The following CCDC60 variants were observed in gnomAD, a reference collection of about 807,000 sequenced individuals.
CCDC60 encodes the protein coiled-coil domain-containing protein 60.
Under a neutral mutation model 63.5 loss-of-function variants are expected in CCDC60, and 54 were observed. That is an observed-to-expected ratio of 0.85 (90% confidence interval 0.68 to 1.07). The LOEUF is 1.07. Ranked by LOEUF, CCDC60 falls within the 50% of genes least tolerant of loss-of-function variation. The probability of loss-of-function intolerance (pLI) is 0.00; values close to 1 mark genes in which losing one functional copy is unlikely to be tolerated. For missense variants in CCDC60, 651 were observed against 684.3 expected, an observed-to-expected ratio of 0.95 and a Z score of 0.54; for synonymous variants, 206 against 238.8, an observed-to-expected ratio of 0.86 and a Z score of 1.27.
intron 2 of CCDC60, among the ~76,000 whole-genome samples, chr12:119,469,642 C>T (rs893744722): frequency 2.0e-5 from 3 of 152,252 alleles, no homozygotes; most frequent in Middle Eastern, 3.4e-3. Context: ...TATTGCCCAG[C>T]GGGGGCAATT....
intron 1 of CCDC60, among the ~76,000 whole-genome samples, chr12:119,407,218 T>G (rs1956509559): frequency 6.6e-6 from 1 of 151,954 alleles, no homozygotes; most frequent in Non-Finnish European, 1.5e-5. Context: ...TATAAGATGA[T>G]GTATCTGGCC....
chr12:119,520,060 G>C (rs561585954), intron 8 of CCDC60, 61 bp from the exon 9 acceptor site: 1 of 1,435,916 alleles, frequency 7.0e-7, no homozygotes, highest in East Asian at 2.3e-5. Flanking sequence ...CCCACATGTA[G>C]TTACTGCACA....
chr12:119,460,036 A>ATGCTGC (rs2136302088), intron 2 of CCDC60, among the ~76,000 whole-genome samples: 1 of 152,318 alleles, frequency 6.6e-6, no homozygotes, highest in East Asian at 1.9e-4. Context: ...CGTGATGCTG[A>ATGCTGC]TGCTGCTGGA....
At chr12:119,533,530 T>C (rs1214380437) in intron 13 of CCDC60, among the ~76,000 whole-genome samples, 3 of 152,250 alleles carry the variant, frequency 2.0e-5, no homozygotes, top group African/African-American at 7.2e-5. Context: ...TAGGTTTTCT[T>C]CTAGGGTTTT....
At chr12:119,409,865 T>C (rs1956561453) in intron 1 of CCDC60, among the ~76,000 whole-genome samples, 2 of 151,884 alleles carry the variant, frequency 1.3e-5, no homozygotes, top group South Asian at 4.2e-4. Flanking sequence ...TTCTCACTCT[T>C]TCTCTCTCTC....
intron 1 of CCDC60, among the ~76,000 whole-genome samples, chr12:119,336,895 G>T (rs532802332): frequency 1.3e-4 from 20 of 152,300 alleles, no homozygotes; most frequent in Non-Finnish European, 2.6e-4. Flanking sequence ...GAGCACAACT[G>T]TAAGTGTGCA....
chr12:119,393,121 A>C (rs1388931441), intron 1 of CCDC60, among the ~76,000 whole-genome samples: 1 of 152,310 alleles, frequency 6.6e-6, no homozygotes, highest in East Asian at 1.9e-4. Flanking sequence ...TTGTAATTGC[A>C]CCACTGCACT....
intron 1 of CCDC60, among the ~76,000 whole-genome samples, chr12:119,411,372 G>A (rs926567820): frequency 2.6e-5 from 4 of 152,030 alleles, no homozygotes; most frequent in Non-Finnish European, 5.9e-5. Flanking sequence ...TTGGGAGAGC[G>A]AAATTCTAGT....
chr12:119,418,928 A>G (rs1278703117), intron 1 of CCDC60, among the ~76,000 whole-genome samples: 1 of 152,234 alleles, frequency 6.6e-6, no homozygotes, highest in Non-Finnish European at 1.5e-5. Context: ...TCTCCAAGAA[A>G]GAACTTGCCA....
intron 1 of CCDC60, among the ~76,000 whole-genome samples, chr12:119,401,529 G>A (rs938799412): frequency 2.0e-5 from 3 of 152,194 alleles, no homozygotes; most frequent in Admixed American, 6.5e-5. Flanking sequence ...CTCTTTCTAC[G>A]TTCAAGACAA....
Position 119,396,069 on chromosome 12 carries a change from C to T in CCDC60, c.91-32614C>T, listed in dbSNP as rs1166529727. On this transcript the variant is annotated intron_variant, in intron 1 of 13. Transcript: ENST00000327554. Reference sequence around the variant, plus strand: ...TCCTCTCCCTCAGCCTCCCAAGTAGCTGGGATTACAGGCGCCCACCACCTC... The same window carrying T: ...TCCTCTCCCTCAGCCTCCCAAGTAGTTGGGATTACAGGCGCCCACCACCTC... Among the ~76,000 whole-genome samples the T allele has an allele frequency of 2.6e-5, 4 of 152,164 alleles. No homozygotes were observed. In the Middle Eastern group the frequency reaches 0.01, roughly 388 times the overall value.
intron 2 of CCDC60, among the ~76,000 whole-genome samples, chr12:119,446,020 A>G (rs758787172): frequency 2.0e-5 from 3 of 152,184 alleles, no homozygotes; most frequent in African/African-American, 4.8e-5. Flanking sequence ...GATCACCACT[A>G]AAGAACTTAC....
intron 1 of CCDC60, among the ~76,000 whole-genome samples, chr12:119,422,236 A>G (rs1019535865): frequency 2.0e-5 from 3 of 152,218 alleles, no homozygotes; most frequent in African/African-American, 7.2e-5. Context: ...CAAGGGAAGC[A>G]AAGACAGAAA....
intron 8 of CCDC60, among the ~76,000 whole-genome samples, chr12:119,517,380 C>T (rs1952383765): frequency 6.6e-6 from 1 of 152,108 alleles, no homozygotes; most frequent in Admixed American, 6.5e-5. Flanking sequence ...TTCATTCCTC[C>T]TTTGAGTGAA....
intron 1 of CCDC60, among the ~76,000 whole-genome samples, chr12:119,352,258 C>T (rs1955663147): frequency 6.6e-6 from 1 of 152,214 alleles, no homozygotes. Flanking sequence ...CCAGACCCCA[C>T]CTCCAACACT....
At chr12:119,351,268 C>T (rs1205502888) in intron 1 of CCDC60, among the ~76,000 whole-genome samples, 1 of 152,236 alleles carries the variant, frequency 6.6e-6, no homozygotes, top group Non-Finnish European at 1.5e-5. Flanking sequence ...GAGATCCATT[C>T]TCCCATAGCT....
At chr12:119,520,306 C>A (rs902589091) in intron 9 of CCDC60, 114 bp downstream of exon 9, 3 of 844,428 alleles carry the variant, frequency 3.6e-6, no homozygotes, top group Admixed American at 2.4e-5. Flanking sequence ...AAAGAGGGAA[C>A]TTTTTCCTTC....
intron 5 of CCDC60, among the ~76,000 whole-genome samples, chr12:119,492,235 A>AC (rs1171468346): frequency 6.6e-6 from 1 of 152,150 alleles, no homozygotes; most frequent in Non-Finnish European, 1.5e-5. Context: ...AAATGTTTTA[A>AC]CAACCAGTTC....
chr12:119,512,161 G>A (rs1952230083), intron 7 of CCDC60, among the ~76,000 whole-genome samples: 1 of 152,132 alleles, frequency 6.6e-6, no homozygotes, highest in Non-Finnish European at 1.5e-5. Context: ...GGAAGCACTG[G>A]GCTTCACGCT....
Sources: gnomAD v4.1 joint callset for allele counts (sites outside exome capture counted in the v4.1 genomes callset) on GRCh38, gnomAD v4.1.1 for gene constraint, MANE v1.5 for transcripts, NCBI Gene and HGNC (gene_info 2026-07-23, HGNC 2026-07-21) for gene names.